The following PRKCE variants were observed in gnomAD, a reference collection of about 807,000 sequenced individuals.
PRKCE encodes protein kinase C epsilon, also known as protein kinase C epsilon type.
In PRKCE, 16 loss-of-function variants were observed where a neutral mutation model predicts 85.4. That is an observed-to-expected ratio of 0.19 (90% CI 0.13 to 0.28). The LOEUF is 0.28. Ranked by LOEUF, PRKCE falls within the 10% of genes least tolerant of loss-of-function variation. PRKCE has a pLI of 1.00. For synonymous variants in PRKCE, 388 were observed against 371.5 expected, an observed-to-expected ratio of 1.04 and a Z score of -0.51; for missense variants, 573 against 975.2, an observed-to-expected ratio of 0.59 and a Z score of 5.49.
intron 11 of PRKCE, among the ~76,000 whole-genome samples, chr2:46,109,372 G>A (rs1442284202): frequency 2.0e-5 from 3 of 152,054 alleles, no homozygotes; most frequent in Non-Finnish European, 4.4e-5. Flanking sequence ...GATTTCTTGT[G>A]TCAGTGGTCT....
At chr2:46,060,911 G>A (rs1352610341) in intron 10 of PRKCE, among the ~76,000 whole-genome samples, 4 of 151,190 alleles carry the variant, frequency 2.6e-5, no homozygotes, top group East Asian at 2.0e-4. Flanking sequence ...GCAGGCGCAC[G>A]CCACCACACC....
At chr2:45,781,977 T>C (rs1295416129) in intron 1 of PRKCE, among the ~76,000 whole-genome samples, 1 of 152,184 alleles carries the variant, frequency 6.6e-6, no homozygotes, top group African/African-American at 2.4e-5. Context: ...TCAGGACCAA[T>C]AGATAATAAA....
chr2:46,063,817 A>G (rs188091278), intron 10 of PRKCE, among the ~76,000 whole-genome samples: 6 of 152,176 alleles, frequency 3.9e-5, no homozygotes, highest in Admixed American at 6.5e-5. Flanking sequence ...GCATTTTCCT[A>G]TCAAAGTCAT....
intron 2 of PRKCE, among the ~76,000 whole-genome samples, chr2:45,847,090 C>A (rs748239122): frequency 6.6e-6 from 1 of 152,214 alleles, no homozygotes; most frequent in African/African-American, 2.4e-5. Flanking sequence ...AGGGACTGTG[C>A]GATTGCTTTC....
rs1204373394 is a variant in PRKCE, at chr2:45,836,037, T to C, written c.349-6963T>C. On this transcript the variant is annotated intron_variant, in intron 1 of 14. Coordinates refer to ENST00000306156, the MANE Select transcript of PRKCE (RefSeq NM_005400.3). ...AGCTGCTGTGAACATTTCTGTATAG[T>C]AGATGGCTTCCCCAGTAAATCATCT... 6.6e-5 allele frequency among the ~76,000 whole-genome samples: 10 copies of C among 152,354 alleles called. No individual in the cohort carries two copies. In the South Asian group the frequency reaches 1.7e-3, roughly 25 times the overall value.
chr2:46,145,015 A>G lies in PRKCE; in HGVS notation c.1593-78A>G. 4 of 1,571,098 alleles carry G rather than the reference A, an allele frequency of 2.5e-6. No homozygotes were observed. The highest frequency in any genetic ancestry group is 2.3e-5 in the East Asian group (1 of 44,400). On this transcript the variant is annotated intron_variant, in intron 11 of 14. Coordinates refer to ENST00000306156, the MANE Select transcript of PRKCE (RefSeq NM_005400.3). The surrounding 1 kb of genome is among the most constrained non-coding windows in gnomAD (Gnocchi z 4.6). ...TTTTTGCTGGAGATTTCCCTAAGAT[A>G]GGCACATACCTCCAACTCAGGAAGA...
rs1019668949 is a variant in PRKCE at position 45,895,203 on chromosome 2, A to C, written c.412+52140A>C. Among the ~76,000 whole-genome samples, 4 of 152,164 alleles carry C rather than the reference A, an allele frequency of 2.6e-5. No homozygotes were observed. The highest frequency in any genetic ancestry group is 9.7e-5 in the African/African-American group (4 of 41,434). On this transcript the variant is annotated intron_variant, in intron 2 of 14. Transcript: ENST00000306156. The surrounding 1 kb of genome is among the most constrained non-coding windows in gnomAD (Gnocchi z 4.8). ...TCAGGCGGAGTGGGTTGGATGAGGCACATGTTTCTAGACTACTCTCCATTT... is the reference window on the plus strand; with the variant it reads ...TCAGGCGGAGTGGGTTGGATGAGGCCCATGTTTCTAGACTACTCTCCATTT...
At chr2:45,945,554 C>A (rs1195996109) in intron 2 of PRKCE, among the ~76,000 whole-genome samples, 1 of 152,134 alleles carries the variant, frequency 6.6e-6, no homozygotes, top group African/African-American at 2.4e-5. Context: ...GGACAAACGT[C>A]GAAACTATAT....
At position 46,033,960 on chromosome 2, in the gene PRKCE, G is replaced by A. The variant is rs572756441; in HGVS notation, c.1437+23443G>A. ...TTGAGCTTGGGATTTCAGTCTGAAA[G>A]CCTATGTTTCAGTTTAGAGAAAGCC... On this transcript the variant is annotated intron_variant, in intron 10 of 14. Coordinates refer to ENST00000306156, the MANE Select transcript of PRKCE (RefSeq NM_005400.3). 5.3e-5 allele frequency among the ~76,000 whole-genome samples: 8 copies of A among 152,308 alleles called. No homozygotes were observed. The East Asian group carries it at 1.2e-3, about 22-fold the overall frequency.
Position 46,159,893 on chromosome 2 carries a change from C to A in PRKCE, c.2067+141C>A. The stretch of plus-strand genomic sequence containing the variant: ...AAAGACCAGAGGTGGCTGAGGCTCT[C>A]CCTAAGACAATGTCTTTAGGCCCCA... On this transcript the variant is annotated intron_variant, in intron 14 of 14. Coordinates refer to ENST00000306156, the MANE Select transcript of PRKCE (RefSeq NM_005400.3). This position sits in a 1 kb window ranked among gnomAD's most constrained non-coding sequence, Gnocchi z 4.1. The A allele has an allele frequency of 9.4e-7, 1 of 1,063,680 alleles. No individual in the cohort carries two copies. Among genetic ancestry groups the A allele is most frequent in the Non-Finnish European group, 1.3e-6 (1 of 755,986 alleles). 65.9% of individuals were successfully genotyped at this position (1,063,680 alleles called of 1,614,324 possible).
rs1363394897 is a variant in PRKCE at position 45,855,123 on chromosome 2, A to ATG, written c.412+12060_412+12061insTG. 4.5e-3 allele frequency among the ~76,000 whole-genome samples: 680 copies of ATG among 152,332 alleles called. 8 individuals carry two copies. The highest frequency in any genetic ancestry group is 0.015 in the African/African-American group (639 of 41,566). The stretch of plus-strand genomic sequence containing the variant: ...TTCTTTTTTCTGGTTTTGATGAACC[A>ATG]GTGTTTCCATTTGTTCTATTACAAG... On this transcript the variant is annotated intron_variant, in intron 2 of 14. Transcript: ENST00000306156.
chr2:45,784,857 A>G (rs1240072384), intron 1 of PRKCE, among the ~76,000 whole-genome samples: 1 of 152,200 alleles, frequency 6.6e-6, no homozygotes, highest in Non-Finnish European at 1.5e-5. Flanking sequence ...TTTCTGGAAT[A>G]ATGATAATGT....
At chr2:45,738,746 A>AAAG in intron 1 of PRKCE, among the ~76,000 whole-genome samples, 1 of 152,206 alleles carries the variant, frequency 6.6e-6, no homozygotes, top group African/African-American at 2.4e-5. Context: ...TTTGCTTTTA[A>AAAG]CCTTACAGTT....
At chr2:46,063,374 A>G (rs1267844795) in intron 10 of PRKCE, among the ~76,000 whole-genome samples, 1 of 149,344 alleles carries the variant, frequency 6.7e-6, no homozygotes, top group Non-Finnish European at 1.5e-5. Context: ...GTCGGGGCGG[A>G]GCTGTCTTTT....
intron 10 of PRKCE, among the ~76,000 whole-genome samples, chr2:46,042,867 T>C (rs1708293796): frequency 6.6e-6 from 1 of 152,352 alleles, no homozygotes; most frequent in South Asian, 2.1e-4. Context: ...GGTCAGGGTT[T>C]TGATTGCCAC....
At chr2:45,689,888 C>T (rs1356836026) in intron 1 of PRKCE, among the ~76,000 whole-genome samples, 1 of 133,166 alleles carries the variant, frequency 7.5e-6, no homozygotes, top group Non-Finnish European at 1.6e-5. Flanking sequence ...GGTGACAGAG[C>T]AAGACTCCAT....
In PRKCE at chr2:46,043,104, GT is replaced by G. The variant is rs68116207; in HGVS notation, c.1437+32598del. Reference sequence around the variant, plus strand: ...ACTTTGTAGGGCCTTCAGAAAAACAGTTTTTTTTTTTCAAGGTGTTCTGTAA... The same window carrying G: ...ACTTTGTAGGGCCTTCAGAAAAACAGTTTTTTTTTTCAAGGTGTTCTGTAA... On this transcript the variant is annotated intron_variant, in intron 10 of 14. Coordinates refer to ENST00000306156, the MANE Select transcript of PRKCE (RefSeq NM_005400.3). Among the ~76,000 whole-genome samples the G allele has an allele frequency of 7.9e-4, 118 of 149,986 alleles. 2 individuals carry two copies. The East Asian group carries it at 0.014, about 17-fold the overall frequency.
chr2:45,826,545 G>A (rs1689955378), intron 1 of PRKCE, among the ~76,000 whole-genome samples: 1 of 152,138 alleles, frequency 6.6e-6, no homozygotes. Context: ...CACAGATTGT[G>A]GGTCAGTGCC....
At chr2:45,976,246 G>A (rs1574084842) in intron 2 of PRKCE, among the ~76,000 whole-genome samples, 183 bp from the exon 3 acceptor site, 1 of 152,134 alleles carries the variant, frequency 6.6e-6, no homozygotes, top group South Asian at 2.1e-4. Context: ...CCCTACATGT[G>A]CTCGCTCACT....
Sources: gnomAD v4.1 joint callset for allele counts (sites outside exome capture counted in the v4.1 genomes callset) on GRCh38, gnomAD v4.1.1 for gene constraint, Gnocchi (gnomAD v3.1) non-coding constraint, MANE v1.5 for transcripts, NCBI Gene and HGNC (gene_info 2026-07-23, HGNC 2026-07-21) for gene names.